CACNA1H: variants seen among roughly 807,000 people sequenced by gnomAD.
CACNA1H encodes the protein calcium voltage-gated channel subunit alpha1 H, also known as voltage-dependent T-type calcium channel subunit alpha-1H.
A neutral mutation model predicts 192.5 loss-of-function variants in CACNA1H; 149 were observed. That is an observed-to-expected ratio of 0.77 (90% CI 0.68 to 0.89). The LOEUF is 0.89. CACNA1H is among the 40% of genes least tolerant of loss of function. The pLI, the probability that CACNA1H is intolerant of heterozygous loss-of-function variation, is 0.00. For missense variants in CACNA1H, 4,257 were observed against 3,423.5 expected (o/e 1.24, Z -6.08); for synonymous variants, 2,202 against 1,475.2 (o/e 1.49, Z -11.29).
In CACNA1H at chr16:1,205,351, G is replaced by A. The variant is rs1968561262; in HGVS notation, c.2603+86G>A. 31 of 1,377,706 alleles carry A rather than the reference G, an allele frequency of 2.3e-5. 2 individuals are homozygous for A. In the South Asian group the frequency reaches 2.8e-4, roughly 12 times the overall value. 85.3% of individuals were successfully genotyped at this position (1,377,706 alleles called of 1,614,324 possible). ...TCCCACCTGCAGAGCAAAACCCAGA[G>A]CACAGGAGGAAGTACGACGATAGCT... On this transcript the variant is annotated intron_variant, in intron 11 of 34. Transcript: ENST00000348261.
Position 1,209,029 on chromosome 16 carries a change from C to A in CACNA1H, c.3364-3C>A. ...CAGGTCACTGACTCCCGCCACCCCC[C>A]AGGCCAGCCTCCGAAGTTCTCCCTG... On this transcript the variant is annotated splice_region_variant and splice_polypyrimidine_tract_variant and intron_variant, in intron 16 of 34. Coordinates refer to ENST00000348261, the MANE Select transcript of CACNA1H (RefSeq NM_021098.3). 2.7e-6 allele frequency: 4 copies of A among 1,502,040 alleles called. No homozygotes were observed. The highest frequency in any genetic ancestry group is 2.6e-6 in the Non-Finnish European group (3 of 1,133,476). 93.0% of individuals were successfully genotyped at this position (1,502,040 alleles called of 1,614,324 possible). A position where few individuals can be genotyped will look rare whatever the true frequency, so the allele number is the denominator to read the frequency against.
chr16:1,176,599 C>T (rs1027204479), intron 2 of CACNA1H, among the ~76,000 whole-genome samples: 1 of 152,146 alleles, frequency 6.6e-6, no homozygotes, highest in Non-Finnish European at 1.5e-5. Flanking sequence ...TCTCAGGTGA[C>T]CCCCCAACCA....
intron 2 of CACNA1H, among the ~76,000 whole-genome samples, chr16:1,191,665 G>C: frequency 1.0e-5 from 1 of 100,378 alleles, no homozygotes; most frequent in East Asian, 2.6e-4. Flanking sequence ...GGGTTTTGGT[G>C]ACCCAGCAGG....
chr16:1,175,824 G>C (rs1964827411), intron 2 of CACNA1H, among the ~76,000 whole-genome samples: 1 of 152,210 alleles, frequency 6.6e-6, no homozygotes. Flanking sequence ...GGCTGGGCTT[G>C]GGATGGTGCG....
rs1328976081 is a variant in CACNA1H, at chr16:1,218,227, C to T, written c.5463C>T (p.Cys1821=). The change falls in exon 33 of 35, where the codon TGC becomes TGT. Residue 1821 remains cysteine (C), a synonymous_variant. Coordinates refer to ENST00000348261, the MANE Select transcript of CACNA1H (RefSeq NM_021098.3). ...CACCGCAGGACACGCTGCGCGAGTGCTCCCGTGAGGACAAGCACTGCCTGA... is the reference window on the plus strand; with the variant it reads ...CACCGCAGGACACGCTGCGCGAGTGTTCCCGTGAGGACAAGCACTGCCTGA... ...NGIMKDTLRE[C]SREDKHCLSY... 2 of 1,549,878 alleles carry T rather than the reference C, an allele frequency of 1.3e-6. No homozygotes were observed. The highest frequency in any genetic ancestry group is 1.7e-6 in the Non-Finnish European group (2 of 1,146,822).
At chr16:1,190,200 C>A (rs1230201051) in intron 2 of CACNA1H, among the ~76,000 whole-genome samples, 1 of 152,226 alleles carries the variant, frequency 6.6e-6, no homozygotes, top group African/African-American at 2.4e-5. Context: ...CAGCAGGCCC[C>A]CTCCCAGGGC....
intron 11 of CACNA1H, 136 bp downstream of exon 11, chr16:1,205,401 G>C: frequency 1.0e-6 from 1 of 983,896 alleles, no homozygotes; most frequent in East Asian, 2.5e-5. Context: ...GTGGGAAGCA[G>C]GTGCTTGGTG....
intron 5 of CACNA1H, among the ~76,000 whole-genome samples, chr16:1,198,300 C>T (rs1028715748): frequency 6.6e-6 from 1 of 152,154 alleles, no homozygotes; most frequent in Non-Finnish European, 1.5e-5. Flanking sequence ...CACTCCTGCC[C>T]CTCCACACCC....
At position 1,218,166 on chromosome 16, in the gene CACNA1H, G is replaced by A. The variant is rs773450633; in HGVS notation, c.5446-44G>A. ...GGACGGCACTGCCAGGGTGGCACCC[G>A]CGGGTGGGTGTGGACCCCGGCCCAC... On this transcript the variant is annotated intron_variant, in intron 32 of 34. Transcript: ENST00000348261. 1.8e-5 allele frequency: 27 copies of A among 1,535,910 alleles called. No individual in the cohort carries two copies. In the South Asian group the frequency reaches 2.1e-4, roughly 12 times the overall value.
At position 1,220,081 on chromosome 16, in the gene CACNA1H, C is replaced by A. The variant is rs949519905; in HGVS notation, c.6149C>A (p.Thr2050Asn). ...PGEKTPVRPV[T>N]QGGSLQSPPR... ...GAGAAAACCCCGGTGAGGCCGGTGA[C>A]CCAGGGGGGCTCCCTGCAGTCCCCA... Residue 2050 changes from threonine to asparagine, a missense_variant, in exon 35 of 35, where the codon ACC (threonine) becomes AAC (asparagine). Thr to Asn is a moderately conservative substitution (Grantham distance 65). Transcript: ENST00000348261. The A allele has an allele frequency of 8.2e-6, 12 of 1,456,978 alleles. No homozygotes were observed. Among genetic ancestry groups the A allele is most frequent in the African/African-American group, 3.0e-5 (2 of 67,634 alleles). The allele number at this position is 1,456,978 out of a possible 1,614,324, so 90.3% of individuals were successfully genotyped here.
At position 1,211,565 on chromosome 16, in the gene CACNA1H, C is replaced by T. The variant is rs181140276; in HGVS notation, c.4435C>T (p.Arg1479Cys). 84 of 1,611,316 alleles carry T rather than the reference C, an allele frequency of 5.2e-5. No individual in the cohort carries two copies. Among genetic ancestry groups the T allele is most frequent in the Non-Finnish European group, 5.9e-5 (69 of 1,179,332 alleles). ...GGCACAGTGCCGGGCCGCCCACTAC[C>T]GCTGGGTGCGACGCAAGTACAACTT... Reference protein sequence around the residue: ...TKAQCRAAHYRWVRRKYNFDN... With the variant: ...TKAQCRAAHYCWVRRKYNFDN... The change falls in exon 23 of 35, where the codon CGC (arginine) becomes TGC (cysteine). Residue 1479 changes from arginine to cysteine, a missense_variant. Coordinates refer to ENST00000348261, the MANE Select transcript of CACNA1H (RefSeq NM_021098.3).
intron 2 of CACNA1H, among the ~76,000 whole-genome samples, chr16:1,186,910 T>G (rs941589776): frequency 6.6e-6 from 1 of 152,226 alleles, no homozygotes; most frequent in Non-Finnish European, 1.5e-5. Flanking sequence ...GCCGCGGTTC[T>G]GAGTGGGGGT....
At chr16:1,208,579 G>A (rs1205221146) in intron 16 of CACNA1H, among the ~76,000 whole-genome samples, 1 of 152,246 alleles carries the variant, frequency 6.6e-6, no homozygotes, top group Non-Finnish European at 1.5e-5. Flanking sequence ...TCCCTTTACG[G>A]CCAGGGCATC....
At chr16:1,165,505 G>C (rs1963670005) in intron 2 of CACNA1H, among the ~76,000 whole-genome samples, 1 of 152,040 alleles carries the variant, frequency 6.6e-6, no homozygotes, top group South Asian at 2.1e-4. Context: ...TCACAGCCGG[G>C]GAGCTCCAGG....
At chr16:1,183,061 C>G (rs796200023) in intron 2 of CACNA1H, among the ~76,000 whole-genome samples, 1 of 150,486 alleles carries the variant, frequency 6.6e-6, no homozygotes, top group African/African-American at 2.4e-5. Context: ...CCGCCCCCAC[C>G]CTCTGTGACC....
In CACNA1H at chr16:1,153,839, G is replaced by A. The variant is rs1961905049; in HGVS notation, c.102G>A (p.Gly34=). The change falls in exon 2 of 35, where the codon GGG becomes GGA. Residue 34 remains glycine (G), a synonymous_variant. Coordinates refer to ENST00000348261, the MANE Select transcript of CACNA1H (RefSeq NM_021098.3). ...ALVGASPESP[G]APGREAERGS... ...TGGGGGCGTCCCCGGAGAGCCCCGG[G>A]GCGCCGGGACGCGAGGCGGAGCGGG... The A allele has an allele frequency of 7.6e-7, 1 of 1,312,546 alleles. No homozygotes were observed. The highest frequency in any genetic ancestry group is 9.7e-7 in the Non-Finnish European group (1 of 1,032,480). The allele number at this position is 1,312,546 out of a possible 1,614,324, so 81.3% of individuals were successfully genotyped here.
At chr16:1,199,966 G>C (rs1267462753) in intron 6 of CACNA1H, among the ~76,000 whole-genome samples, 1 of 149,482 alleles carries the variant, frequency 6.7e-6, no homozygotes, top group African/African-American at 2.4e-5. Flanking sequence ...GTCCATCCCT[G>C]TTCTTTGTGT....
chr16:1,211,236 G>A lies in CACNA1H; in HGVS notation c.4292G>A (p.Gly1431Glu). 1 of 1,613,132 alleles carries A rather than the reference G, an allele frequency of 6.2e-7. No homozygotes were observed. Among genetic ancestry groups the A allele is most frequent in the Non-Finnish European group, 8.5e-7 (1 of 1,179,764 alleles). ...ETLISSLRPI[G>E]NIVLICCAFF... Reference sequence around the variant, plus strand: ...CTGATATCATCACTCAGGCCCATTGGGAACATCGTCCTCATCTGCTGCGCC... The same window carrying A: ...CTGATATCATCACTCAGGCCCATTGAGAACATCGTCCTCATCTGCTGCGCC... Residue 1431 changes from glycine (G) to glutamate (E), a missense_variant, in exon 22 of 35, where the codon GGG becomes GAG. Coordinates refer to ENST00000348261, the MANE Select transcript of CACNA1H (RefSeq NM_021098.3).
At chr16:1,177,204 G>A (rs528216956) in intron 2 of CACNA1H, among the ~76,000 whole-genome samples, 3 of 152,284 alleles carry the variant, frequency 2.0e-5, no homozygotes, top group African/African-American at 7.2e-5. Context: ...AAGTGACACA[G>A]GCTGGATGGA....
Sources: allele counts gnomAD v4.1 joint callset (sites outside exome capture counted in the v4.1 genomes callset), GRCh38; gene constraint gnomAD v4.1.1; transcripts MANE v1.5; gene names NCBI Gene and HGNC (gene_info 2026-07-23, HGNC 2026-07-21).